The following PACS1 variants were observed in gnomAD, a reference collection of about 807,000 sequenced individuals.
PACS1 encodes the protein phosphofurin acidic cluster sorting protein 1.
PACS1 carries 24 observed loss-of-function variants against 115.0 expected under a neutral mutation model. The ratio of observed to expected loss-of-function variants is 0.21; its 90% confidence interval spans 0.15 to 0.29. The LOEUF (loss-of-function observed/expected upper bound fraction) is 0.29, where lower values mean the gene tolerates loss of function less well. Among genes scored for constraint, PACS1 ranks in the 10% least tolerant of loss-of-function variants. The pLI is 1.00. For synonymous variants in PACS1, 453 were observed against 504.5 expected, an observed-to-expected ratio of 0.90 and a Z score of 1.37; for missense variants, 838 against 1,251.2, an observed-to-expected ratio of 0.67 and a Z score of 4.98.
chr11:66,149,220 T>C (rs1859185511), intron 1 of PACS1, among the ~76,000 whole-genome samples: 1 of 151,088 alleles, frequency 6.6e-6, no homozygotes, highest in Admixed American at 6.6e-5. Context: ...GCCTCCCGAG[T>C]AGCTGGGATT....
chr11:66,218,213 C>T (rs1382970347), intron 7 of PACS1: 1 of 152,146 alleles, frequency 6.6e-6, no homozygotes, highest in Admixed American at 6.5e-5. Context: ...TCTCTGAAGA[C>T]CTATCAGCCT....
At chr11:66,192,688 G>T (rs989239197) in intron 1 of PACS1, among the ~76,000 whole-genome samples, 3 of 152,234 alleles carry the variant, frequency 2.0e-5, no homozygotes, top group Non-Finnish European at 4.4e-5. Context: ...AGAAGAATGT[G>T]TAAAGACTTT....
chr11:66,214,634 T>TTTC (rs1474086317), intron 4 of PACS1, among the ~76,000 whole-genome samples: 1 of 147,082 alleles, frequency 6.8e-6, no homozygotes, highest in African/African-American at 2.5e-5. Flanking sequence ...TTTTTTTTTT[T>TTTC]TTCCTGAGAT....
chr11:66,210,482 A>G (rs760120978), intron 3 of PACS1, 31 bp downstream of exon 3: 177 of 1,450,298 alleles, frequency 1.2e-4, no homozygotes, highest in Non-Finnish European at 1.7e-4. Flanking sequence ...GGCCCCTAAC[A>G]TGCTATATCC....
At chr11:66,212,279 G>C (rs950488629) in intron 4 of PACS1, among the ~76,000 whole-genome samples, 1 of 150,918 alleles carries the variant, frequency 6.6e-6, no homozygotes, top group Non-Finnish European at 1.5e-5. Flanking sequence ...CTACAGGCGT[G>C]CACCACCATG....
intron 22 of PACS1, 87 bp downstream of exon 22, chr11:66,241,740 G>A: frequency 9.1e-7 from 1 of 1,098,102 alleles, no homozygotes; most frequent in Non-Finnish European, 1.3e-6. Flanking sequence ...CTGCTTTTGG[G>A]ATATTTGGGA....
At chr11:66,239,050 C>A (rs2134748500) in intron 20 of PACS1, 92 bp from the exon 21 acceptor site, 1 of 1,579,676 alleles carries the variant, frequency 6.3e-7, no homozygotes, top group East Asian at 2.2e-5. Flanking sequence ...GGAAAGCAGG[C>A]CACAGGATGG....
At chr11:66,137,031 C>CG (rs892276706) in intron 1 of PACS1, among the ~76,000 whole-genome samples, 7 of 149,770 alleles carry the variant, frequency 4.7e-5, no homozygotes, top group Admixed American at 1.3e-4. Flanking sequence ...TGCCCCCCCC[C>CG]CCACCATTTC....
chr11:66,089,268 C>G (rs180849633), intron 1 of PACS1, among the ~76,000 whole-genome samples: 55 of 152,276 alleles, frequency 3.6e-4, no homozygotes, highest in African/African-American at 1.2e-3. Context: ...CCACCACCAT[C>G]ATTCTTTTGA....
chr11:66,076,095 G>A (rs1289644389), intron 1 of PACS1, among the ~76,000 whole-genome samples: 1 of 152,198 alleles, frequency 6.6e-6, no homozygotes, highest in Non-Finnish European at 1.5e-5. Flanking sequence ...CACATTGTGA[G>A]TGTTGTAATA....
chr11:66,138,612 CTTA>C (rs1858902501), intron 1 of PACS1, among the ~76,000 whole-genome samples: 1 of 151,880 alleles, frequency 6.6e-6, no homozygotes, highest in African/African-American at 2.4e-5. Context: ...TATTGTGTTT[CTTA>C]TTATTGTTAG....
intron 1 of PACS1, among the ~76,000 whole-genome samples, chr11:66,178,980 T>C (rs751206299): frequency 6.6e-5 from 10 of 152,110 alleles, no homozygotes; most frequent in Non-Finnish European, 1.2e-4. Flanking sequence ...GTGTCCATTC[T>C]CCCCCTTTGC....
intron 1 of PACS1, among the ~76,000 whole-genome samples, chr11:66,105,553 G>A (rs1291701142): frequency 6.6e-6 from 1 of 152,196 alleles, no homozygotes; most frequent in Non-Finnish European, 1.5e-5. Flanking sequence ...GGAAGATAAT[G>A]TGAAAATGAA....
At chr11:66,132,434 A>T (rs895288408) in intron 1 of PACS1, among the ~76,000 whole-genome samples, 7 of 152,192 alleles carry the variant, frequency 4.6e-5, no homozygotes, top group African/African-American at 1.7e-4. Context: ...GGATTAATAC[A>T]GATACCAAAA....
intron 2 of PACS1, among the ~76,000 whole-genome samples, chr11:66,200,478 CAA>C (rs779225242): frequency 1.4e-5 from 2 of 138,130 alleles, no homozygotes; most frequent in African/African-American, 2.6e-5. Context: ...TGGAAACAAA[CAA>C]AAAAAAAAAG....
intron 1 of PACS1, among the ~76,000 whole-genome samples, chr11:66,110,304 T>A (rs962533159): frequency 1.2e-3 from 186 of 151,076 alleles, no homozygotes; most frequent in Middle Eastern, 6.9e-3. Flanking sequence ...AAAAAAAAAT[T>A]TTTTTTATAC....
chr11:66,070,774 C>A lies in PACS1; in HGVS notation c.288C>A (p.Pro96=). 6.5e-7 allele frequency: 1 copy of A among 1,533,936 alleles called. No homozygotes were observed. ...PPGGPGPGRT[P]APVQMNLYAT... The stretch of plus-strand genomic sequence containing the variant: ...GTGGCCCGGGGCCAGGCCGCACCCC[C>A]GCCCCGGTGCAGATGAACCTGTACG... Residue 96 remains proline, a synonymous_variant, in exon 1 of 24, where the codon CCC becomes CCA. Coordinates refer to ENST00000320580, the MANE Select transcript of PACS1 (RefSeq NM_018026.4). The surrounding 1 kb of genome is among the most constrained non-coding windows in gnomAD (Gnocchi z 5.9).
chr11:66,087,965 T>C (rs890890588), intron 1 of PACS1, among the ~76,000 whole-genome samples: 1 of 152,184 alleles, frequency 6.6e-6, no homozygotes, highest in African/African-American at 2.4e-5. Context: ...CTCCTATGGC[T>C]TTAATTTGCA....
At chr11:66,091,254 C>A (rs1857654161) in intron 1 of PACS1, among the ~76,000 whole-genome samples, 1 of 152,060 alleles carries the variant, frequency 6.6e-6, no homozygotes, top group South Asian at 2.1e-4. Context: ...GATTCTCAGG[C>A]CTCAACCTCC....
Sources: gnomAD v4.1 joint callset for allele counts (sites outside exome capture counted in the v4.1 genomes callset) on GRCh38, gnomAD v4.1.1 for gene constraint, Gnocchi (gnomAD v3.1) non-coding constraint, MANE v1.5 for transcripts, NCBI Gene and HGNC (gene_info 2026-07-23, HGNC 2026-07-21) for gene names.